IDNK: variants seen among roughly 807,000 people sequenced by gnomAD.
IDNK encodes the protein IDNK gluconokinase, also known as gluconokinase.
Under a neutral mutation model 13.0 loss-of-function variants are expected in IDNK, and 9 were observed. The ratio of observed to expected loss-of-function variants is 0.69; its 90% CI spans 0.42 to 1.21. The LOEUF is 1.21. Ranked by LOEUF, IDNK falls within the 50% of genes most tolerant of loss-of-function variation. The probability of loss-of-function intolerance (pLI) is 0.00; values close to 1 mark genes in which losing one functional copy is unlikely to be tolerated. For synonymous variants in IDNK, 92 were observed against 94.9 expected (o/e 0.97, Z 0.18); for missense variants, 210 against 237.8 (o/e 0.88, Z 0.77).
At chr9:83,623,374 G>A in intron 1 of IDNK, 153 bp downstream of exon 1, 1 of 723,492 alleles carries the variant, frequency 1.4e-6, no homozygotes, top group South Asian at 1.8e-5. Flanking sequence ...CGGCTGCCGC[G>A]CCCTCTCCCC....
At chr9:83,636,822 A>G (rs1831177124) in intron 3 of IDNK, among the ~76,000 whole-genome samples, 1 of 152,252 alleles carries the variant, frequency 6.6e-6, no homozygotes, top group Non-Finnish European at 1.5e-5. Context: ...GAATAAATGC[A>G]TTAAGTCTGA....
chr9:83,634,141 CATAATCATTTAA>C (rs1831102199), intron 3 of IDNK, among the ~76,000 whole-genome samples: 1 of 152,186 alleles, frequency 6.6e-6, no homozygotes, highest in East Asian at 1.9e-4. Flanking sequence ...AAAGAAAATT[CATAATCATTTAA>C]TTATGATTCA....
intron 3 of IDNK, among the ~76,000 whole-genome samples, chr9:83,639,715 T>C (rs1831252555): frequency 6.6e-6 from 1 of 152,192 alleles, no homozygotes. Flanking sequence ...CAGATACTGC[T>C]TAGGGACACC....
At position 83,628,859 on chromosome 9, in the gene IDNK, C is replaced by G; in HGVS notation, c.82-14C>G. On this transcript the variant is annotated splice_polypyrimidine_tract_variant and intron_variant, in intron 2 of 4. Transcript: ENST00000376419. ...TCTGCCTGCCACATACACCCTTTCA[C>G]TTTGTTCTTAAAGCTGGGATGGAAA... 1.9e-6 allele frequency: 3 copies of G among 1,605,080 alleles called. No individual in the cohort carries two copies. In the South Asian group the frequency reaches 3.3e-5, roughly 18 times the overall value.
chr9:83,640,075 C>G (rs1208127698), intron 3 of IDNK, among the ~76,000 whole-genome samples: 2 of 152,114 alleles, frequency 1.3e-5, no homozygotes, highest in East Asian at 3.9e-4. Context: ...TAAGTGTGGT[C>G]TCTTCCTGCC....
At chr9:83,628,558 A>G (rs1406608764) in intron 2 of IDNK, among the ~76,000 whole-genome samples, 2 of 151,998 alleles carry the variant, frequency 1.3e-5, no homozygotes, top group Non-Finnish European at 2.9e-5. Flanking sequence ...AGGCTGAGGC[A>G]GGGGAATCAC....
chr9:83,639,416 CAG>C (rs1417412569), intron 3 of IDNK, among the ~76,000 whole-genome samples: 2 of 152,228 alleles, frequency 1.3e-5, no homozygotes, highest in South Asian at 2.1e-4. Flanking sequence ...CAGGAAATAA[CAG>C]AAATGAATGC....
At chr9:83,634,519 C>A (rs1831113569) in intron 3 of IDNK, among the ~76,000 whole-genome samples, 1 of 152,038 alleles carries the variant, frequency 6.6e-6, no homozygotes. Flanking sequence ...AACTTATTAC[C>A]CAAATATGTT....
intron 3 of IDNK, among the ~76,000 whole-genome samples, chr9:83,634,432 T>A (rs1831111052): frequency 6.6e-6 from 1 of 152,208 alleles, no homozygotes; most frequent in Non-Finnish European, 1.5e-5. Context: ...GACTAAAGCA[T>A]CCATTAAGGC....
At chr9:83,631,860 CAGTG>C (rs941126258) in intron 3 of IDNK, among the ~76,000 whole-genome samples, 66 of 152,130 alleles carry the variant, frequency 4.3e-4, no homozygotes, top group African/African-American at 1.5e-3. Flanking sequence ...AGCCACCAGT[CAGTG>C]AGTCTCCCCT....
intron 3 of IDNK, among the ~76,000 whole-genome samples, chr9:83,629,683 C>T (rs1341294862): frequency 6.6e-6 from 1 of 152,228 alleles, no homozygotes; most frequent in Non-Finnish European, 1.5e-5. Flanking sequence ...CTCATGGTGC[C>T]ATTTCATTGT....
chr9:83,628,792 C>T, intron 2 of IDNK, 81 bp from the exon 3 acceptor site: 1 of 989,142 alleles, frequency 1.0e-6, no homozygotes, highest in South Asian at 1.3e-5. Context: ...TGTTTCTACA[C>T]CTGCCTGTTA....
At position 83,623,235 on chromosome 9, in the gene IDNK, AGGGCGGG is replaced by A. The variant is rs1830749216; in HGVS notation, c.50+20_50+26del. On this transcript the variant is annotated intron_variant, in intron 1 of 4. Transcript: ENST00000376419. ...CGGCTCGGGGAAGTAGGTCCGGGAG[AGGGCGGG>A]GGGCGCCCGGGACAAGTGTTGCGGG... is the stretch of plus-strand genomic sequence containing the variant. 2.9e-6 allele frequency: 4 copies of A among 1,388,280 alleles called. No homozygotes were observed. The highest frequency in any genetic ancestry group is 2.8e-6 in the Non-Finnish European group (3 of 1,073,712). The allele number at this position is 1,388,280 out of a possible 1,614,324, so 86.0% of individuals were successfully genotyped here.
At chr9:83,640,971 T>C (rs755911044) in intron 3 of IDNK, among the ~76,000 whole-genome samples, 3 of 152,240 alleles carry the variant, frequency 2.0e-5, no homozygotes, top group Non-Finnish European at 4.4e-5. Context: ...TCCAATGCAT[T>C]ATGGCCAATA....
At position 83,633,591 on chromosome 9, in the gene IDNK, T is replaced by G. The variant is rs1228794695; in HGVS notation, c.168+4632T>G. Among the ~76,000 whole-genome samples, 13 of 152,236 alleles carry G rather than the reference T, an allele frequency of 8.5e-5. 1 individual carries two copies. On this transcript the variant is annotated intron_variant, in intron 3 of 4. Transcript: ENST00000376419. ...GCCTACCAAATTCATGAATTTAAAC[T>G]CTTTCAAAAATTCAGAGTTGGAAAT...
chr9:83,637,759 G>A (rs1831203135), intron 3 of IDNK, among the ~76,000 whole-genome samples: 1 of 152,334 alleles, frequency 6.6e-6, no homozygotes, highest in Admixed American at 6.5e-5. Context: ...TTGTAAGCCT[G>A]TATGAAGCAT....
In IDNK at chr9:83,628,161, C is replaced by T. The variant is rs763652738; in HGVS notation, c.51-20C>T. 32 of 1,550,400 alleles carry T rather than the reference C, an allele frequency of 2.1e-5. No homozygotes were observed. The highest frequency in any genetic ancestry group is 2.4e-5 in the Non-Finnish European group (28 of 1,146,964). The stretch of plus-strand genomic sequence containing the variant: ...ACATTGGGCAGGGCAGTAACGGGAA[C>T]ATCTGTGTCCTCTCCACAGATCCAC... On this transcript the variant is annotated intron_variant, in intron 1 of 4. Coordinates refer to ENST00000376419, the MANE Select transcript of IDNK (RefSeq NM_001001551.4).
At chr9:83,638,730 A>G in intron 3 of IDNK, among the ~76,000 whole-genome samples, 1 of 152,208 alleles carries the variant, frequency 6.6e-6, no homozygotes, top group South Asian at 2.1e-4. Flanking sequence ...ACAAAATGAA[A>G]TAATTATTCA....
chr9:83,628,064 T>C, intron 1 of IDNK, 117 bp from the exon 2 acceptor site: 1 of 1,520,276 alleles, frequency 6.6e-7, no homozygotes, highest in Non-Finnish European at 8.8e-7. Context: ...GATTACACAG[T>C]GATTGGTGTT....
Sources: allele counts gnomAD v4.1 joint callset (sites outside exome capture counted in the v4.1 genomes callset), GRCh38; gene constraint gnomAD v4.1.1; transcripts MANE v1.5; gene names NCBI Gene and HGNC (gene_info 2026-07-23, HGNC 2026-07-21).